VIPAS39: variants seen among roughly 807,000 people sequenced by gnomAD.
VIPAS39 encodes the protein VPS33B interacting protein, apical-basolateral polarity regulator, spe-39 homolog.
Under a neutral mutation model 84.7 loss-of-function variants are expected in VIPAS39, and 63 were observed. The observed-to-expected ratio is 0.74, with a 90% confidence interval of 0.61 to 0.92. VIPAS39 has a LOEUF of 0.92. Ranked by LOEUF, VIPAS39 falls within the 40% of genes least tolerant of loss-of-function variation. The pLI is 0.00. For missense variants in VIPAS39, 499 were observed against 604.5 expected, an observed-to-expected ratio of 0.83 and a Z score of 1.83; for synonymous variants, 192 against 216.5, an observed-to-expected ratio of 0.89 and a Z score of 0.99.
intron 16 of VIPAS39, among the ~76,000 whole-genome samples, chr14:77,432,318 G>A (rs535265174): frequency 6.6e-6 from 1 of 152,288 alleles, no homozygotes; most frequent in East Asian, 1.9e-4. Context: ...ACTGTTGTCG[G>A]TGGGAATGTA....
chr14:77,448,121 A>G (rs2078824752), intron 7 of VIPAS39, among the ~76,000 whole-genome samples: 1 of 151,048 alleles, frequency 6.6e-6, no homozygotes, highest in Non-Finnish European at 1.5e-5. Flanking sequence ...CACCCGGCTA[A>G]TTTTTTATAT....
At chr14:77,430,180 G>A (rs926714014) in intron 16 of VIPAS39, among the ~76,000 whole-genome samples, 2 of 152,114 alleles carry the variant, frequency 1.3e-5, no homozygotes, top group African/African-American at 4.8e-5. Context: ...CTTGAGAAAG[G>A]GGGTGAGATA....
intron 13 of VIPAS39, 47 bp from the exon 14 acceptor site, chr14:77,435,440 G>A: frequency 1.9e-6 from 3 of 1,590,554 alleles, no homozygotes; most frequent in East Asian, 2.3e-5. Flanking sequence ...CAATGTCCAT[G>A]GAGTAGAGGC....
intron 7 of VIPAS39, among the ~76,000 whole-genome samples, chr14:77,444,954 A>G (rs755250346): frequency 3.6e-4 from 51 of 141,256 alleles, no homozygotes; most frequent in Non-Finnish European, 6.7e-4. Context: ...TTAAGTATAT[A>G]GTTCAGTGAT....
At position 77,457,476 on chromosome 14, in the gene VIPAS39, G is replaced by A. The variant is rs970919482; in HGVS notation, c.-1+19C>T. The A allele has an allele frequency of 1.1e-5, 15 of 1,396,314 alleles. No homozygotes were observed. In the Admixed American group the frequency reaches 2.0e-4, roughly 19 times the overall value. The allele number at this position is 1,396,314 out of a possible 1,614,324, so 86.5% of individuals were successfully genotyped here. ...GATCCAGCCAGATACGCGACCCAAG[G>A]GGCTTGGGACACCCTCACCTCTTCC... is the stretch of plus-strand genomic sequence containing the variant. On this transcript the variant is annotated intron_variant, in intron 1 of 19. Coordinates refer to ENST00000557658, the MANE Select transcript of VIPAS39 (RefSeq NM_001193315.2).
intron 11 of VIPAS39, among the ~76,000 whole-genome samples, chr14:77,439,764 GA>G (rs371592424): frequency 0.12 from 17,380 of 145,200 alleles, 1,029 homozygotes; most frequent in African/African-American, 0.12. Flanking sequence ...AGCCTGTCTC[GA>G]AAAAAAAAAA....
intron 8 of VIPAS39, among the ~76,000 whole-genome samples, chr14:77,443,874 A>G (rs1440884312): frequency 2.7e-3 from 3 of 1,106 alleles, no homozygotes; most frequent in African/African-American, 3.0e-3. Flanking sequence ...CTCCATCTCA[A>G]AAAAAAAAAA....
At chr14:77,437,782 T>C (rs2078637363) in intron 12 of VIPAS39, 26 bp downstream of exon 12, 2 of 1,608,756 alleles carry the variant, frequency 1.2e-6, no homozygotes, top group East Asian at 4.5e-5. Flanking sequence ...TATTTATACT[T>C]AAAATCATTT....
In VIPAS39 at chr14:77,434,013, C is replaced by T; in HGVS notation, c.1090-82G>A. 20 of 1,466,518 alleles carry T rather than the reference C, an allele frequency of 1.4e-5. No homozygotes were observed. In the South Asian group the frequency reaches 2.2e-4, roughly 16 times the overall value. 90.8% of individuals were successfully genotyped at this position (1,466,518 alleles called of 1,614,324 possible). On this transcript the variant is annotated intron_variant, in intron 15 of 19. Coordinates refer to ENST00000557658, the MANE Select transcript of VIPAS39 (RefSeq NM_001193315.2). ...GCTTAAGAATTTTAGAAAAGACAGA[C>T]ATTAAATATTTCCTGATATTGACTC...
In VIPAS39 at chr14:77,444,963, A is replaced by ATT. The variant is rs879536978; in HGVS notation, c.505-624_505-623dup. 6.9e-4 allele frequency among the ~76,000 whole-genome samples: 99 copies of ATT among 143,392 alleles called. 2 individuals are homozygous for ATT. The East Asian group carries it at 0.014, about 20-fold the overall frequency. 94.1% of individuals were successfully genotyped at this position (143,392 alleles called of 152,430 possible). On this transcript the variant is annotated intron_variant, in intron 7 of 19. Transcript: ENST00000557658. ...CCCTATTTAAGTATATAGTTCAGTG[A>ATT]TTTTTTTTTTTTTGAGACGGAGTCT...
chr14:77,448,436 C>T, intron 7 of VIPAS39, 58 bp downstream of exon 7: 1 of 1,510,280 alleles, frequency 6.6e-7, no homozygotes, highest in East Asian at 2.3e-5. Flanking sequence ...GAAATCTTCC[C>T]TGTGTGAACA....
At chr14:77,441,529 T>C (rs558507416) in intron 10 of VIPAS39, among the ~76,000 whole-genome samples, 7 of 152,342 alleles carry the variant, frequency 4.6e-5, no homozygotes, top group African/African-American at 9.6e-5. Flanking sequence ...CTGATTCTTC[T>C]TTACTCTGAA....
chr14:77,454,575 G>A (rs2078932152), intron 1 of VIPAS39, among the ~76,000 whole-genome samples: 1 of 151,844 alleles, frequency 6.6e-6, no homozygotes, highest in Admixed American at 6.6e-5. Context: ...TCAGGAGGCT[G>A]AGGCAGGAGA....
chr14:77,433,649 A>G (rs896010374), intron 16 of VIPAS39, among the ~76,000 whole-genome samples, 193 bp downstream of exon 16: 7 of 152,356 alleles, frequency 4.6e-5, no homozygotes, highest in Non-Finnish European at 1.0e-4. Flanking sequence ...GTGGATAAAG[A>G]CTATTATACT....
At chr14:77,442,999 C>T in intron 9 of VIPAS39, 120 bp downstream of exon 9, 5 of 1,378,376 alleles carry the variant, frequency 3.6e-6, no homozygotes, top group Non-Finnish European at 5.1e-6. Flanking sequence ...TCTCAGGCCA[C>T]CCCACTTGTC....
chr14:77,432,225 A>T (rs1004799182), intron 16 of VIPAS39, among the ~76,000 whole-genome samples: 1 of 152,184 alleles, frequency 6.6e-6, no homozygotes, highest in Non-Finnish European at 1.5e-5. Context: ...TTAAGTATAT[A>T]CAATATATAA....
At position 77,435,920 on chromosome 14, in the gene VIPAS39, C is replaced by G; in HGVS notation, c.837-1G>C. ...GGAATCTTCTGCTGAAAATGGCAAACTGGTAGAGTGCCAGAAGGTTAGTAC... is the reference window on the plus strand; with the variant it reads ...GGAATCTTCTGCTGAAAATGGCAAAGTGGTAGAGTGCCAGAAGGTTAGTAC... On this transcript the variant is annotated splice_acceptor_variant, in intron 12 of 19. Coordinates refer to ENST00000557658, the MANE Select transcript of VIPAS39 (RefSeq NM_001193315.2). LOFTEE classifies it high-confidence loss of function. 1 of 1,614,120 alleles carries G rather than the reference C, an allele frequency of 6.2e-7. No individual in the cohort carries two copies. Among genetic ancestry groups the G allele is most frequent in the Non-Finnish European group, 8.5e-7 (1 of 1,179,976 alleles).
rs754564055 is a variant in VIPAS39 at position 77,448,482 on chromosome 14, C to T, written c.504+12G>A. 2.0e-5 allele frequency: 32 copies of T among 1,614,086 alleles called. 1 individual carries two copies. The South Asian group carries it at 2.2e-4, about 11-fold the overall frequency. On this transcript the variant is annotated intron_variant, in intron 7 of 19. Transcript: ENST00000557658. ...CTTCCCAAAGAACCTCACAAAAATT[C>T]TCTGTCCTTACCTTGCCCTTCCGGA...
intron 14 of VIPAS39, among the ~76,000 whole-genome samples, chr14:77,434,668 G>A (rs2078577378): frequency 1.3e-5 from 2 of 151,932 alleles, no homozygotes; most frequent in Non-Finnish European, 2.9e-5. Context: ...TGAGGCAGGT[G>A]GATCACGAGG....
Sources: gnomAD v4.1 joint callset for allele counts (sites outside exome capture counted in the v4.1 genomes callset) on GRCh38, gnomAD v4.1.1 for gene constraint, MANE v1.5 for transcripts, NCBI Gene and HGNC (gene_info 2026-07-23, HGNC 2026-07-21) for gene names.